COL28A1: variants seen among roughly 807,000 people sequenced by gnomAD.
COL28A1 encodes the protein collagen type XXVIII alpha 1 chain.
COL28A1 carries 161 observed loss-of-function variants against 150.2 expected under a neutral mutation model. The observed-to-expected ratio is 1.07, with a 90% CI of 0.94 to 1.22. The LOEUF is 1.22. Ranked by LOEUF, COL28A1 falls within the 50% of genes most tolerant of loss-of-function variation. The pLI is 0.00. For missense variants in COL28A1, 1,617 were observed against 1,388.3 expected (o/e 1.16, Z -2.62); for synonymous variants, 552 against 469.7 (o/e 1.18, Z -2.26).
intron 27 of COL28A1, among the ~76,000 whole-genome samples, chr7:7,382,843 C>T (rs1301768258): frequency 6.6e-6 from 1 of 152,026 alleles, no homozygotes; most frequent in East Asian, 1.9e-4. Flanking sequence ...TGCCATAAGT[C>T]TGCTAAAGCT....
Position 7,472,160 on chromosome 7 carries a change from A to G in COL28A1, c.1302+2441T>C, listed in dbSNP as rs1476087687. 2.0e-5 allele frequency among the ~76,000 whole-genome samples: 3 copies of G among 152,178 alleles called. No individual in the cohort carries two copies. The East Asian group carries it at 5.8e-4, about 29-fold the overall frequency. ...CACCCCTCTGACACATAGTACTGGA[A>G]GTCCTAGCCAGAGCAATCAGATAAG... On this transcript the variant is annotated intron_variant, in intron 15 of 34. Coordinates refer to ENST00000399429, the MANE Select transcript of COL28A1 (RefSeq NM_001037763.3).
intron 9 of COL28A1, among the ~76,000 whole-genome samples, chr7:7,508,094 T>C (rs561880120): frequency 4.6e-5 from 7 of 152,166 alleles, no homozygotes; most frequent in African/African-American, 1.4e-4. Flanking sequence ...TAGCCGGGCG[T>C]GGTGGCGGGC....
chr7:7,523,890 CAA>C (rs765444602), intron 4 of COL28A1, among the ~76,000 whole-genome samples: 12 of 152,172 alleles, frequency 7.9e-5, no homozygotes, highest in Non-Finnish European at 1.3e-4. Context: ...GAACACCCCC[CAA>C]AATAGAGGAC....
chr7:7,356,347 C>T (rs1291909651), downstream of COL28A1: 1 of 152,158 alleles, frequency 6.6e-6, no homozygotes, highest in Non-Finnish European at 1.5e-5. Context: ...TGGGATATCC[C>T]TGGCATGGAA....
chr7:7,426,771 T>C (rs1370899264), intron 25 of COL28A1, among the ~76,000 whole-genome samples: 1 of 152,184 alleles, frequency 6.6e-6, no homozygotes, highest in Non-Finnish European at 1.5e-5. Context: ...TTTCCTTTTC[T>C]CAAAATCATC....
intron 34 of COL28A1, among the ~76,000 whole-genome samples, chr7:7,360,154 G>C (rs1007313459): frequency 3.9e-5 from 6 of 152,090 alleles, no homozygotes; most frequent in African/African-American, 1.4e-4. Context: ...TAAGAACTTT[G>C]AAATTCTTCA....
chr7:7,366,095 C>T (rs1316001065), intron 33 of COL28A1, among the ~76,000 whole-genome samples: 2 of 152,098 alleles, frequency 1.3e-5, no homozygotes, highest in Non-Finnish European at 2.9e-5. Flanking sequence ...ACCCAGTAAA[C>T]ATTTTTGACA....
intron 27 of COL28A1, among the ~76,000 whole-genome samples, chr7:7,394,347 CTG>C (rs1171303721): frequency 6.6e-6 from 1 of 152,184 alleles, no homozygotes; most frequent in Non-Finnish European, 1.5e-5. Context: ...ATTGATCTCA[CTG>C]GGAGCTGCAG....
intron 11 of COL28A1, among the ~76,000 whole-genome samples, chr7:7,505,134 A>G (rs1583524652): frequency 6.6e-6 from 1 of 152,270 alleles, no homozygotes; most frequent in African/African-American, 2.4e-5. Context: ...ACACACTGTC[A>G]TTATCTCATT....
upstream of COL28A1, among the ~76,000 whole-genome samples, chr7:7,538,562 T>C (rs900602807): frequency 1.3e-5 from 2 of 152,206 alleles, 1 homozygote; most frequent in African/African-American, 4.8e-5. Flanking sequence ...TCAAATTCTT[T>C]TAATATGCTA....
At chr7:7,474,386 A>C (rs1055541278) in intron 15 of COL28A1, among the ~76,000 whole-genome samples, 2 of 152,090 alleles carry the variant, frequency 1.3e-5, no homozygotes, top group Non-Finnish European at 2.9e-5. Flanking sequence ...ACAAATCACC[A>C]CTAAAGAACT....
chr7:7,444,426 C>G lies in COL28A1; in HGVS notation c.1573G>C (p.Gly525Arg). The G allele has an allele frequency of 6.2e-7, 1 of 1,613,990 alleles. No homozygotes were observed. The highest frequency in any genetic ancestry group is 1.3e-5 in the African/African-American group (1 of 74,992). The change falls in exon 19 of 35, where the codon GGG becomes CGG. Residue 525 changes from glycine (G) to arginine (R), a missense_variant. Physicochemically the swap from Gly to Arg is moderately radical, Grantham distance 125. Transcript: ENST00000399429. ...PGVPGEDGAAGKKGEAGLPGA... is the reference protein window; with the variant it reads ...PGVPGEDGAARKKGEAGLPGA... ...GAAAAACTTGGTGTTACCTTCTTCC[C>G]TGCAGCTCCATCTTCTCCTGGTACT...
the COL28A1 span, among the ~76,000 whole-genome samples, chr7:7,339,728 CA>C: frequency 3.3e-5 from 5 of 151,974 alleles, no homozygotes; most frequent in Non-Finnish European, 5.9e-5. Context: ...TGAGAATCAC[CA>C]TGCTGTGTTG....
chr7:7,364,112 T>C (rs893522843), intron 33 of COL28A1, among the ~76,000 whole-genome samples: 16 of 152,124 alleles, frequency 1.1e-4, no homozygotes, highest in Non-Finnish European at 1.9e-4. Context: ...AATAACCCAG[T>C]CAGTACTGAT....
chr7:7,485,498 G>C (rs1032706415), intron 13 of COL28A1, among the ~76,000 whole-genome samples: 3 of 152,050 alleles, frequency 2.0e-5, no homozygotes, highest in Non-Finnish European at 4.4e-5. Context: ...TTTAGGGGGG[G>C]ATCATGTTTT....
At chr7:7,414,633 A>C (rs1363659788) in intron 27 of COL28A1, among the ~76,000 whole-genome samples, 1 of 152,136 alleles carries the variant, frequency 6.6e-6, no homozygotes, top group East Asian at 1.9e-4. Flanking sequence ...AGAAGATCAT[A>C]CTCTTCCACA....
At position 7,381,620 on chromosome 7, in the gene COL28A1, G is replaced by A. The variant is rs1257613942; in HGVS notation, c.2137-8C>T. The A allele has an allele frequency of 6.2e-7, 1 of 1,608,648 alleles. No individual in the cohort carries two copies. Among genetic ancestry groups the A allele is most frequent in the African/African-American group, 1.3e-5 (1 of 74,782 alleles). On this transcript the variant is annotated splice_polypyrimidine_tract_variant and splice_region_variant and intron_variant, in intron 27 of 34. Coordinates refer to ENST00000399429, the MANE Select transcript of COL28A1 (RefSeq NM_001037763.3). ...TTGTGGTCCTTGTTCCCCCTACATA[G>A]GATATGAGAAAGAGATGTTCTATTA...
intron 18 of COL28A1, among the ~76,000 whole-genome samples, chr7:7,449,749 A>G (rs1786539011): frequency 6.6e-6 from 1 of 152,120 alleles, no homozygotes; most frequent in Non-Finnish European, 1.5e-5. Context: ...ATATAGAAAA[A>G]AAATTCACAA....
chr7:7,535,696 C>T (rs1782603884), intron 1 of COL28A1, 54 bp downstream of exon 1: 1 of 152,110 alleles, frequency 6.6e-6, no homozygotes, highest in South Asian at 2.1e-4. Flanking sequence ...TTCCACAGTT[C>T]CTTGATGGTC....
Sources: gnomAD v4.1 joint callset for allele counts (sites outside exome capture counted in the v4.1 genomes callset) on GRCh38, gnomAD v4.1.1 for gene constraint, MANE v1.5 for transcripts, NCBI Gene and HGNC (gene_info 2026-07-23, HGNC 2026-07-21) for gene names.